The following RICTOR variants were observed in gnomAD, a reference collection of about 807,000 sequenced individuals.
RICTOR encodes rapamycin-insensitive companion of mTOR.
RICTOR carries 49 observed loss-of-function variants against 214.9 expected under a neutral mutation model. That is an observed-to-expected ratio of 0.23 (90% confidence interval 0.18 to 0.29). The LOEUF (loss-of-function observed/expected upper bound fraction) is 0.29, where lower values mean the gene tolerates loss of function less well. Among genes scored for constraint, RICTOR ranks in the 10% least tolerant of loss-of-function variants. The pLI, the probability that RICTOR is intolerant of heterozygous loss-of-function variation, is 1.00. For synonymous variants in RICTOR, 717 were observed against 711.3 expected (o/e 1.01, Z -0.13); for missense variants, 1,625 against 2,047.0 (o/e 0.79, Z 3.98).
rs1747599783 is a variant in RICTOR, at chr5:38,941,794, A to G, written c.*510T>C. The stretch of plus-strand genomic sequence containing the variant: ...ACATTAAGAAAAACGTGAAAGGGCC[A>G]AAGTTCCCTCTCTAATACCAGCAGT... On this transcript the variant is annotated 3_prime_UTR_variant, in exon 38 of 38. Transcript: ENST00000357387. 8.6e-6 allele frequency: 2 copies of G among 233,066 alleles called. No individual in the cohort carries two copies. The highest frequency in any genetic ancestry group is 1.7e-5 in the Non-Finnish European group (2 of 117,764). 14.4% of individuals were successfully genotyped at this position (233,066 alleles called of 1,614,324 possible).
At chr5:38,998,588 G>A (rs1753350561) in intron 5 of RICTOR, among the ~76,000 whole-genome samples, 1 of 152,154 alleles carries the variant, frequency 6.6e-6, no homozygotes, top group African/African-American at 2.4e-5. Flanking sequence ...AAAGAAAATG[G>A]CACTACAAAT....
At chr5:38,954,397 T>C (rs1480637106) in intron 27 of RICTOR, among the ~76,000 whole-genome samples, 2 of 151,860 alleles carry the variant, frequency 1.3e-5, no homozygotes, top group Non-Finnish European at 2.9e-5. Flanking sequence ...ACTTAATCTG[T>C]ATTAGGTTCA....
intron 7 of RICTOR, among the ~76,000 whole-genome samples, chr5:38,990,634 TCTGAC>T (rs1752581169): frequency 1.6e-5 from 1 of 60,864 alleles, no homozygotes; most frequent in Non-Finnish European, 3.7e-5. Context: ...GATATATATA[TCTGAC>T]ATATATCAGA....
chr5:39,037,862 G>A (rs1047501559), intron 2 of RICTOR, among the ~76,000 whole-genome samples: 3 of 152,118 alleles, frequency 2.0e-5, no homozygotes, highest in Non-Finnish European at 4.4e-5. Flanking sequence ...AGGACCAGAT[G>A]GATTCACAGC....
intron 2 of RICTOR, among the ~76,000 whole-genome samples, chr5:39,036,240 A>G (rs1756681695): frequency 6.6e-6 from 1 of 152,236 alleles, no homozygotes; most frequent in African/African-American, 2.4e-5. Context: ...AAGGAGAAAT[A>G]AAATACTTTA....
intron 2 of RICTOR, among the ~76,000 whole-genome samples, chr5:39,043,429 G>A (rs890726912): frequency 1.3e-5 from 2 of 152,134 alleles, no homozygotes; most frequent in Non-Finnish European, 1.5e-5. Context: ...GGAATCTAAA[G>A]AAGCTGATCT....
Position 38,953,573 on chromosome 5 carries a change from T to G in RICTOR, c.2698-20A>C. 1.9e-6 allele frequency: 1 copy of G among 521,102 alleles called. No homozygotes were observed. Among genetic ancestry groups the G allele is most frequent in the Non-Finnish European group, 3.2e-6 (1 of 308,652 alleles). 32.3% of individuals were successfully genotyped at this position (521,102 alleles called of 1,614,324 possible). On this transcript the variant is annotated intron_variant, in intron 27 of 37. Transcript: ENST00000357387. ...AATATTCTGGAGAAAGAAAAAAAAA[T>G]ACCATGAGTAATAATATATTTATGT...
rs79909832 is a variant in RICTOR, at chr5:38,961,028, A to G, written c.1716-495T>C. On this transcript the variant is annotated intron_variant, in intron 19 of 37. Coordinates refer to ENST00000357387, the MANE Select transcript of RICTOR (RefSeq NM_152756.5). ...TAGGTAATTTCTATATTATCTGTAGAGGCAGTTATAAATAACTGCCAGTCT... is the reference window on the plus strand; with the variant it reads ...TAGGTAATTTCTATATTATCTGTAGGGGCAGTTATAAATAACTGCCAGTCT... Among the ~76,000 whole-genome samples the G allele has an allele frequency of 5.4e-3, 825 of 152,236 alleles. 9 individuals are homozygous for G. The highest frequency in any genetic ancestry group is 0.019 in the African/African-American group (784 of 41,520).
intron 2 of RICTOR, among the ~76,000 whole-genome samples, chr5:39,064,582 G>A (rs527405648): frequency 2.6e-5 from 4 of 152,304 alleles, no homozygotes; most frequent in African/African-American, 7.2e-5. Context: ...ACACAGGCAA[G>A]CAAATCATTC....
chr5:38,973,962 G>T (rs891130729), intron 10 of RICTOR, among the ~76,000 whole-genome samples: 15 of 152,006 alleles, frequency 9.9e-5, no homozygotes, highest in Admixed American at 9.8e-4. Flanking sequence ...TTATTTCCAC[G>T]AGACAAATGC....
At chr5:38,952,582 G>A (rs1387406211) in intron 29 of RICTOR, among the ~76,000 whole-genome samples, 157 bp from the exon 30 acceptor site, 1 of 151,654 alleles carries the variant, frequency 6.6e-6, no homozygotes, top group Non-Finnish European at 1.5e-5. Flanking sequence ...AGACTAGTCA[G>A]GAATAAATTA....
chr5:38,992,338 G>A (rs182593378), intron 6 of RICTOR, among the ~76,000 whole-genome samples: 5 of 152,070 alleles, frequency 3.3e-5, no homozygotes, highest in Admixed American at 1.3e-4. Context: ...ATCTTATGTC[G>A]GTAAGTTCTT....
At chr5:38,998,826 G>T (rs1243086938) in intron 5 of RICTOR, among the ~76,000 whole-genome samples, 1 of 151,748 alleles carries the variant, frequency 6.6e-6, no homozygotes, top group African/African-American at 2.4e-5. Context: ...ACCAGCCTGG[G>T]CAACATGGTG....
Position 38,981,920 on chromosome 5 carries a change from G to A in RICTOR, c.700C>T (p.Leu234Phe). 1 of 1,613,048 alleles carries A rather than the reference G, an allele frequency of 6.2e-7. No homozygotes were observed. ...TGTCGAGTCTTTGGATGATTAAGAAGGTGCAAAATTGTAGTAATTAGGGCC... is the reference window on the plus strand; with the variant it reads ...TGTCGAGTCTTTGGATGATTAAGAAAGTGCAAAATTGTAGTAATTAGGGCC... ...NEALITTILH[L>F]LNHPKTRQYV... Residue 234 changes from leucine to phenylalanine, a missense_variant, in exon 8 of 38, where the codon CTT becomes TTT. Leu to Phe is a conservative substitution (Grantham distance 22). This residue lies in a region of RICTOR where 258 missense variants were observed against 393.7 expected (regional missense o/e 0.66). Coordinates refer to ENST00000357387, the MANE Select transcript of RICTOR (RefSeq NM_152756.5).
chr5:38,974,780 G>A (rs1751070914), intron 10 of RICTOR, among the ~76,000 whole-genome samples: 1 of 152,188 alleles, frequency 6.6e-6, no homozygotes, highest in African/African-American at 2.4e-5. Context: ...GGGGCCAAGT[G>A]GCCTTCCCAT....
intron 3 of RICTOR, among the ~76,000 whole-genome samples, chr5:39,008,517 T>C (rs146173604): frequency 1.3e-5 from 2 of 152,230 alleles, no homozygotes; most frequent in Admixed American, 6.5e-5. Flanking sequence ...AATATTACTA[T>C]AATTTTGTAT....
rs1349037609 is a variant in RICTOR at position 38,939,366 on chromosome 5, A to G, written c.*2938T>C. On this transcript the variant is annotated 3_prime_UTR_variant, in exon 38 of 38. Transcript: ENST00000357387. ...TTATGTTAATAATGTATATACTTCC[A>G]AAGAGCCTCTTTTAATGTCACTGTC... 2.2e-5 allele frequency: 5 copies of G among 232,300 alleles called. No individual in the cohort carries two copies. Among genetic ancestry groups the G allele is most frequent in the Non-Finnish European group, 2.6e-5 (3 of 117,538 alleles). 14.4% of individuals were successfully genotyped at this position (232,300 alleles called of 1,614,324 possible).
rs372270188 is a variant in RICTOR, at chr5:38,962,491, A to T, written c.1662T>A (p.Ile554=). Residue 554 remains isoleucine (I), a synonymous_variant, in exon 18 of 38, where the codon ATT becomes ATA. Transcript: ENST00000357387. ...ATGAAGTATCTTTTCATACCTTAAG[A>T]ATGGTCCCTATAAGATTCCAATTCC... is the stretch of plus-strand genomic sequence containing the variant. ...LEWNWNLIGT[I]LKWPNVNLRN... 2 of 1,510,228 alleles carry T rather than the reference A, an allele frequency of 1.3e-6. No homozygotes were observed. The highest frequency in any genetic ancestry group is 1.8e-6 in the Non-Finnish European group (2 of 1,097,796). The allele number at this position is 1,510,228 out of a possible 1,614,324, so 93.6% of individuals were successfully genotyped here.
At chr5:38,981,818 A>G in intron 8 of RICTOR, 49 bp downstream of exon 8, 6 of 1,278,796 alleles carry the variant, frequency 4.7e-6, no homozygotes, top group Non-Finnish European at 6.6e-6. Context: ...GTAAAAGTAT[A>G]CATTTATAAT....
Sources: allele counts gnomAD v4.1 joint callset (sites outside exome capture counted in the v4.1 genomes callset), GRCh38; gene constraint gnomAD v4.1.1; regional missense constraint gnomAD v4.1.1; transcripts MANE v1.5; gene names NCBI Gene and HGNC (gene_info 2026-07-23, HGNC 2026-07-21).